SIPA1L3: variants seen among roughly 807,000 people sequenced by gnomAD.
SIPA1L3 encodes signal induced proliferation associated 1 like 3, also known as signal-induced proliferation-associated 1-like protein 3.
A neutral mutation model predicts 150.1 loss-of-function variants in SIPA1L3; 59 were observed. That is an observed-to-expected ratio of 0.39 (90% CI 0.32 to 0.49). SIPA1L3 has a LOEUF of 0.49. SIPA1L3 is among the 20% of genes least tolerant of loss of function. SIPA1L3 has a pLI of 0.86. For synonymous variants in SIPA1L3, 1,070 were observed against 1,077.6 expected, an observed-to-expected ratio of 0.99 and a Z score of 0.14; for missense variants, 2,211 against 2,489.5, an observed-to-expected ratio of 0.89 and a Z score of 2.38.
At chr19:38,138,614 A>G (rs992057324) in intron 10 of SIPA1L3, among the ~76,000 whole-genome samples, 8 of 152,246 alleles carry the variant, frequency 5.3e-5, no homozygotes, top group African/African-American at 1.7e-4. Flanking sequence ...AAACAGTTCC[A>G]GAATAGGACG....
intron 4 of SIPA1L3, among the ~76,000 whole-genome samples, chr19:38,097,115 G>A (rs554465261): frequency 2.9e-4 from 44 of 152,328 alleles, no homozygotes; most frequent in African/African-American, 1.0e-3. Flanking sequence ...TCAGGAGGCC[G>A]AGGCAGGAGG....
chr19:38,130,772 G>A lies in SIPA1L3; in HGVS notation c.3143G>A (p.Arg1048Lys). 6.3e-7 allele frequency: 1 copy of A among 1,597,862 alleles called. No homozygotes were observed. Among genetic ancestry groups the A allele is most frequent in the Non-Finnish European group, 8.6e-7 (1 of 1,168,524 alleles). The change falls in exon 10 of 22, where the codon AGG (arginine) becomes AAG (lysine). Residue 1048 changes from arginine to lysine, a missense_variant and splice_region_variant. Arg to Lys is a conservative substitution (Grantham distance 26). Around this residue, in one of 5 missense-constraint regions of SIPA1L3, gnomAD observed 625 missense variants for 804.2 expected, o/e 0.78. Transcript: ENST00000222345. ...CCTTTTGAGGACGGCACTCCCCGGA[G>A]GTAAGGGCCTCCACCTTTCAGCCAG... ...IPPFEDGTPR[R>K]GWPETYDMNT...
At chr19:38,044,263 C>T (rs1203002506) in intron 2 of SIPA1L3, among the ~76,000 whole-genome samples, 1 of 152,034 alleles carries the variant, frequency 6.6e-6, no homozygotes, top group Non-Finnish European at 1.5e-5. Context: ...CAGACAGCTG[C>T]GTGAGATGGC....
chr19:37,910,289 G>A (rs1040886162), intron 1 of SIPA1L3, among the ~76,000 whole-genome samples: 5 of 152,032 alleles, frequency 3.3e-5, no homozygotes, highest in Middle Eastern at 3.4e-3. Flanking sequence ...AGGCTATTTG[G>A]CAGGGTGCAG....
Position 38,167,867 on chromosome 19 carries a change from G to A in SIPA1L3, c.4208+2961G>A, listed in dbSNP as rs1256923781. ...GGCATGAGCTACCACACCTGGTGAC[G>A]AGTACCTCTTAATCTTTTGAACATG... On this transcript the variant is annotated intron_variant, in intron 15 of 21. Transcript: ENST00000222345. Among the ~76,000 whole-genome samples, 3 of 152,254 alleles carry A rather than the reference G, an allele frequency of 2.0e-5. No homozygotes were observed. The East Asian group carries it at 5.8e-4, about 29-fold the overall frequency.
intron 1 of SIPA1L3, among the ~76,000 whole-genome samples, chr19:37,983,313 G>T (rs919790159): frequency 6.6e-6 from 1 of 152,186 alleles, no homozygotes; most frequent in South Asian, 2.1e-4. Flanking sequence ...TCGCTTACTT[G>T]CTGGGTGACC....
At chr19:38,102,901 G>T (rs1052875627) in intron 6 of SIPA1L3, among the ~76,000 whole-genome samples, 16 of 152,246 alleles carry the variant, frequency 1.1e-4, no homozygotes, top group Non-Finnish European at 1.6e-4. Flanking sequence ...GAGGCGGGTG[G>T]ATCACCTGAG....
At chr19:38,028,482 C>T (rs973108343) in intron 1 of SIPA1L3, among the ~76,000 whole-genome samples, 3 of 152,090 alleles carry the variant, frequency 2.0e-5, no homozygotes, top group Non-Finnish European at 2.9e-5. Flanking sequence ...GGAGGCCTTC[C>T]CCGAGCTCTC....
chr19:38,038,181 G>T (rs774986961), intron 2 of SIPA1L3, among the ~76,000 whole-genome samples: 2 of 152,140 alleles, frequency 1.3e-5, no homozygotes, highest in African/African-American at 2.4e-5. Flanking sequence ...GAGGGGGCAG[G>T]TTCTGGGTAC....
intron 1 of SIPA1L3, among the ~76,000 whole-genome samples, chr19:37,956,865 A>G (rs1232858831): frequency 6.6e-6 from 1 of 151,654 alleles, no homozygotes; most frequent in Non-Finnish European, 1.5e-5. Context: ...ATATTTAAGA[A>G]CTCTTTGACC....
Position 38,119,802 on chromosome 19 carries a change from T to C in SIPA1L3, c.2788T>C (p.Tyr930His), listed in dbSNP as rs1970975969. The C allele has an allele frequency of 1.2e-6, 2 of 1,613,702 alleles. No individual in the cohort carries two copies. Among genetic ancestry groups the C allele is most frequent in the South Asian group, 2.2e-5 (2 of 91,088 alleles). The change falls in exon 9 of 22, where the codon TAT becomes CAT. Residue 930 changes from tyrosine (Y) to histidine (H), a missense_variant. Tyr to His is a moderately conservative substitution (Grantham distance 83). Coordinates refer to ENST00000222345, the MANE Select transcript of SIPA1L3 (RefSeq NM_015073.3). ...AGACTCCTCCACACTCAAAATCTTC[T>C]ATGGACGAGGAGACCACATCTTCCT... ...TPDSSTLKIF[Y>H]GRGDHIFLQA...
chr19:38,157,909 A>G (rs1194529874), intron 13 of SIPA1L3, among the ~76,000 whole-genome samples: 1 of 152,206 alleles, frequency 6.6e-6, no homozygotes, highest in East Asian at 1.9e-4. Context: ...TTACAGGGAC[A>G]CGATGATGAT....
intron 2 of SIPA1L3, among the ~76,000 whole-genome samples, chr19:38,055,514 C>A (rs1654344): frequency 0.4 from 60,714 of 152,006 alleles, 13,526 homozygotes; most frequent in African/African-American, 0.61. Flanking sequence ...ACTTCCTCTT[C>A]CCTCACACTG....
At position 38,208,273 on chromosome 19, in the gene SIPA1L3, T is replaced by A. The variant is rs989823215; in HGVS notation, c.*2033T>A. ...ATTTGTTTCATTTGGATTTTTTTTT[T>A]ATTATTCTTTATTGTCTTTTTTTTT... On this transcript the variant is annotated 3_prime_UTR_variant, in exon 22 of 22. Transcript: ENST00000222345. 2.6e-5 allele frequency: 4 copies of A among 152,534 alleles called. 1 individual carries two copies. Among genetic ancestry groups the A allele is most frequent in the African/African-American group, 7.2e-5 (3 of 41,518 alleles). The allele number at this position is 152,534 out of a possible 1,614,324, so 9.4% of individuals were successfully genotyped here. A position where few individuals can be genotyped will look rare whatever the true frequency, so the allele number is the denominator to read the frequency against.
At chr19:38,161,901 G>C (rs756017106) in intron 13 of SIPA1L3, among the ~76,000 whole-genome samples, 24 of 151,618 alleles carry the variant, frequency 1.6e-4, no homozygotes, top group Non-Finnish European at 2.9e-4. Context: ...AATTAGCCAA[G>C]CATGGTGATG....
At chr19:38,050,241 A>G (rs1240817253) in intron 2 of SIPA1L3, among the ~76,000 whole-genome samples, 29 of 152,110 alleles carry the variant, frequency 1.9e-4, no homozygotes. Flanking sequence ...GGATCACTTG[A>G]CGTCGTGAGT....
chr19:38,041,422 G>A (rs2145740982), intron 2 of SIPA1L3, among the ~76,000 whole-genome samples: 1 of 151,768 alleles, frequency 6.6e-6, no homozygotes, highest in East Asian at 1.9e-4. Context: ...GGGATTACAG[G>A]CGCACGCTAC....
At chr19:38,079,649 G>T (rs533092704) in intron 2 of SIPA1L3, among the ~76,000 whole-genome samples, 1 of 151,110 alleles carries the variant, frequency 6.6e-6, no homozygotes, top group Admixed American at 6.6e-5. Flanking sequence ...TCAACCTCCC[G>T]GGTTCGAGTG....
chr19:38,037,019 A>C (rs1039545804), intron 2 of SIPA1L3, among the ~76,000 whole-genome samples: 44 of 152,386 alleles, frequency 2.9e-4, no homozygotes, highest in African/African-American at 9.6e-4. Flanking sequence ...CTCAGTGAGC[A>C]GTAACTCTCA....
Sources: gnomAD v4.1 joint callset for allele counts (sites outside exome capture counted in the v4.1 genomes callset) on GRCh38, gnomAD v4.1.1 for gene constraint, gnomAD v4.1.1 regional missense constraint, MANE v1.5 for transcripts, NCBI Gene and HGNC (gene_info 2026-07-23, HGNC 2026-07-21) for gene names.